Variants in CDKL3 observed in about 807,000 individuals in gnomAD.
The protein encoded by CDKL3 is cyclin-dependent kinase-like 3.
Under a neutral mutation model 69.3 loss-of-function variants are expected in CDKL3, and 65 were observed. That is an observed-to-expected ratio of 0.94 (90% CI 0.77 to 1.15). The LOEUF (loss-of-function observed/expected upper bound fraction) is 1.15, where lower values mean the gene tolerates loss of function less well. Ranked by LOEUF, CDKL3 falls within the 50% of genes most tolerant of loss-of-function variation. CDKL3 has a pLI of 0.00. For synonymous variants in CDKL3, 202 were observed against 221.6 expected (o/e 0.91, Z 0.79); for missense variants, 652 against 689.2 (o/e 0.95, Z 0.61).
downstream of CDKL3, among the ~76,000 whole-genome samples, chr5:134,295,534 A>G (rs990244102): frequency 2.0e-5 from 3 of 152,182 alleles, no homozygotes; most frequent in Non-Finnish European, 4.4e-5. Context: ...CTAGAGGAGC[A>G]ATTACTTTTG....
chr5:134,367,199 G>A (rs1757652453), upstream of CDKL3: 1 of 985,730 alleles, frequency 1.0e-6, no homozygotes, highest in Non-Finnish European at 1.2e-6. Context: ...CGGAACATGG[G>A]CAGGGTCCCG....
intron 6 of CDKL3, among the ~76,000 whole-genome samples, chr5:134,313,716 T>A (rs1770202361): frequency 6.6e-6 from 1 of 151,824 alleles, no homozygotes; most frequent in Non-Finnish European, 1.5e-5. Context: ...TTAATAATTT[T>A]GTAAGAAGGT....
chr5:134,335,865 C>G (rs982846195), intron 4 of CDKL3, among the ~76,000 whole-genome samples: 1 of 152,108 alleles, frequency 6.6e-6, no homozygotes, highest in Non-Finnish European at 1.5e-5. Flanking sequence ...TGAACGTTGG[C>G]CTGCCTTGCT....
chr5:134,298,587 G>A lies in CDKL3; in HGVS notation c.*64C>T. ...CAACAACTCACATCACACTTCTATT[G>A]TAGATAAATAAAACGGGAAGAGTTG... On this transcript the variant is annotated 3_prime_UTR_variant, in exon 13 of 13. Transcript: ENST00000265334. 6.3e-7 allele frequency: 1 copy of A among 1,589,294 alleles called. No homozygotes were observed. The highest frequency in any genetic ancestry group is 1.8e-5 in the Admixed American group (1 of 55,666).
rs1433416460 is a variant in CDKL3 at position 134,359,889 on chromosome 5, G to C, written c.360+8C>G. The C allele has an allele frequency of 6.4e-7, 1 of 1,557,570 alleles. No homozygotes were observed. Among genetic ancestry groups the C allele is most frequent in the Non-Finnish European group, 8.7e-7 (1 of 1,150,782 alleles). On this transcript the variant is annotated splice_region_variant and intron_variant, in intron 3 of 12. Coordinates refer to ENST00000265334, the MANE Select transcript of CDKL3 (RefSeq NM_001113575.2). ...ATCCTACAAATTGGCTTATTCTGAA[G>C]CACTTACATTATTACTGTGAAGATA...
In CDKL3 at chr5:134,319,338, G is replaced by GAA. The variant is rs77760502; in HGVS notation, c.792+18_792+19dup. On this transcript the variant is annotated intron_variant, in intron 6 of 12. Coordinates refer to ENST00000265334, the MANE Select transcript of CDKL3 (RefSeq NM_001113575.2). ...GAGCAAGACTCTGTCTCCGGGGGAGGAAAAAAAAAAAAAACATACATGAAC... is the reference window on the plus strand; with the variant it reads ...GAGCAAGACTCTGTCTCCGGGGGAGGAAAAAAAAAAAAAAAACATACATGAAC... 1.5e-3 allele frequency: 1,808 copies of GAA among 1,202,282 alleles called. No individual in the cohort carries two copies. Among genetic ancestry groups the GAA allele is most frequent in the Admixed American group, 2.3e-3 (70 of 30,514 alleles). 74.5% of individuals were successfully genotyped at this position (1,202,282 alleles called of 1,614,324 possible).
intron 6 of CDKL3, among the ~76,000 whole-genome samples, chr5:134,317,061 A>G (rs1740693213): frequency 2.0e-5 from 3 of 152,184 alleles, no homozygotes; most frequent in Admixed American, 1.3e-4. Flanking sequence ...CACTTTCAAA[A>G]TAAAAATAAA....
intron 4 of CDKL3, among the ~76,000 whole-genome samples, chr5:134,347,220 G>T (rs900303800): frequency 6.6e-6 from 1 of 151,148 alleles, no homozygotes; most frequent in Non-Finnish European, 1.5e-5. Context: ...AAAAGGCTAG[G>T]ATGGCTATTA....
At chr5:134,349,419 A>G (rs543488802) in intron 4 of CDKL3, among the ~76,000 whole-genome samples, 1 of 152,304 alleles carries the variant, frequency 6.6e-6, no homozygotes, top group East Asian at 1.9e-4. Flanking sequence ...CCTCCCGAGT[A>G]GCTGGGACTA....
intron 6 of CDKL3, among the ~76,000 whole-genome samples, chr5:134,316,045 A>G (rs1419010383): frequency 2.0e-5 from 3 of 152,110 alleles, no homozygotes; most frequent in Non-Finnish European, 4.4e-5. Context: ...TCAACCTCCC[A>G]GGCTCAAGTG....
At chr5:134,300,338 C>CAATA (rs547918051) in intron 12 of CDKL3, among the ~76,000 whole-genome samples, 313 of 151,558 alleles carry the variant, frequency 2.1e-3, no homozygotes, top group African/African-American at 6.1e-3. Context: ...GACTCTGTCT[C>CAATA]AATAAATAAA....
chr5:134,298,674 T>C lies in CDKL3; in HGVS notation c.1756A>G (p.Arg586Gly), dbSNP rs1417978854. 1 of 1,613,178 alleles carries C rather than the reference T, an allele frequency of 6.2e-7. No individual in the cohort carries two copies. The highest frequency in any genetic ancestry group is 2.2e-5 in the East Asian group (1 of 44,856). Residue 586 changes from arginine (R) to glycine (G), a missense_variant, in exon 13 of 13, where the codon AGA becomes GGA. Coordinates refer to ENST00000265334, the MANE Select transcript of CDKL3 (RefSeq NM_001113575.2). ...CACTACCAGAAAAAAAACCTGTTTCTCTTCAAATTCTTCCCCTCGCAATGG... is the reference window on the plus strand; with the variant it reads ...CACTACCAGAAAAAAAACCTGTTTCCCTTCAAATTCTTCCCCTCGCAATGG... ...DGHCEGKNLK[R>G]NRFFFW
chr5:134,370,986 C>T (rs926035682), upstream of CDKL3: 1 of 163,284 alleles, frequency 6.1e-6, no homozygotes, highest in Non-Finnish European at 1.3e-5. Context: ...CTCTTAAACC[C>T]GCTTCACAGA....
chr5:134,344,780 T>C (rs1179659167), intron 4 of CDKL3, among the ~76,000 whole-genome samples: 2 of 151,978 alleles, frequency 1.3e-5, no homozygotes, highest in Non-Finnish European at 2.9e-5. Flanking sequence ...AAGCCAGCCA[T>C]AGGCTGGGTG....
intron 6 of CDKL3, among the ~76,000 whole-genome samples, chr5:134,314,969 G>A (rs1770613415): frequency 6.6e-6 from 1 of 152,024 alleles, no homozygotes; most frequent in Non-Finnish European, 1.5e-5. Context: ...TACATTTTAA[G>A]TATGTATAGT....
At chr5:134,366,625 C>T (rs1477153171) in intron 1 of CDKL3, 81 bp from the exon 2 acceptor site, 2 of 819,826 alleles carry the variant, frequency 2.4e-6, no homozygotes, top group Non-Finnish European at 3.7e-6. Context: ...TGCATATCCA[C>T]AATAAACCCA....
chr5:134,297,739 G>A (rs186114563), downstream of CDKL3, among the ~76,000 whole-genome samples: 136 of 148,118 alleles, frequency 9.2e-4, no homozygotes, highest in African/African-American at 3.2e-3. Flanking sequence ...GTGCCACCAC[G>A]CCCGGCTAAT....
rs760020408 is a variant in CDKL3, at chr5:134,304,603, G to A, written c.1459-36C>T. The A allele has an allele frequency of 7.8e-6, 12 of 1,536,250 alleles. No homozygotes were observed. In the South Asian group the frequency reaches 1.2e-4, roughly 15 times the overall value. On this transcript the variant is annotated intron_variant, in intron 10 of 12. Transcript: ENST00000265334. ...AAACAAGAGTTAGTTGAAGAAATGT[G>A]TCTAACTATTTGTAGAATGACAATC...
chr5:134,352,785 A>C (rs1753649801), intron 3 of CDKL3, among the ~76,000 whole-genome samples: 1 of 151,902 alleles, frequency 6.6e-6, no homozygotes, highest in Admixed American at 6.6e-5. Context: ...TTGTTTTCTT[A>C]CTATTGATTT....
Sources: gnomAD v4.1 joint callset for allele counts (sites outside exome capture counted in the v4.1 genomes callset) on GRCh38, gnomAD v4.1.1 for gene constraint, MANE v1.5 for transcripts, NCBI Gene and HGNC (gene_info 2026-07-23, HGNC 2026-07-21) for gene names.